Variants in NLRC5 observed in about 807,000 individuals in gnomAD.
The protein encoded by NLRC5 is NLR family CARD domain containing 5.
In NLRC5, 114 loss-of-function variants were observed where a neutral mutation model predicts 206.9. The observed-to-expected ratio is 0.55, with a 90% CI of 0.47 to 0.64. The LOEUF (loss-of-function observed/expected upper bound fraction) is 0.64. Ranked by LOEUF, NLRC5 falls within the 30% of genes least tolerant of loss-of-function variation. NLRC5 has a pLI of 0.00. For synonymous variants in NLRC5, 952 were observed against 962.8 expected (o/e 0.99, Z 0.21); for missense variants, 2,008 against 2,305.5 (o/e 0.87, Z 2.64).
At chr16:57,062,158 G>A (rs1198019112) in intron 32 of NLRC5, 3 of 779,026 alleles carry the variant, frequency 3.9e-6, no homozygotes, top group Middle Eastern at 5.4e-4. Flanking sequence ...TTTTATTTCA[G>A]CTGAAGCGGT....
Position 57,066,570 on chromosome 16 carries a change from G to A in NLRC5, c.4278G>A (p.Leu1426=). ...SETQQQLCVQ[L]EFPRQEENPE... is the part of the protein sequence containing the mutation. Reference sequence around the variant, plus strand: ...CCCAGCAGCAGCTCTGTGTCCAGCTGGAATTTCCTCGCCAGGAAGAGAATC... The same window carrying A: ...CCCAGCAGCAGCTCTGTGTCCAGCTAGAATTTCCTCGCCAGGAAGAGAATC... The change falls in exon 34 of 49, where the codon CTG becomes CTA. Residue 1426 remains leucine, a synonymous_variant. Transcript: ENST00000688547. 1 of 1,614,048 alleles carries A rather than the reference G, an allele frequency of 6.2e-7. No homozygotes were observed. Among genetic ancestry groups the A allele is most frequent in the Non-Finnish European group, 8.5e-7 (1 of 1,180,008 alleles).
intron 38 of NLRC5, among the ~76,000 whole-genome samples, chr16:57,072,794 C>T (rs1008770362): frequency 1.4e-4 from 21 of 152,142 alleles, no homozygotes; most frequent in African/African-American, 4.6e-4. Flanking sequence ...TTCTGTTGAA[C>T]GGTTTGTGAA....
At chr16:57,040,046 A>G (rs1198743640) in intron 16 of NLRC5, among the ~76,000 whole-genome samples, 197 bp downstream of exon 16, 1 of 152,194 alleles carries the variant, frequency 6.6e-6, no homozygotes, top group African/African-American at 2.4e-5. Context: ...TCCGCCTCTC[A>G]TGGTGCCTGA....
At chr16:57,034,319 G>A (rs1321379892) in intron 13 of NLRC5, 68 bp downstream of exon 13, 50 of 1,159,892 alleles carry the variant, frequency 4.3e-5, no homozygotes, top group Non-Finnish European at 5.3e-5. Flanking sequence ...GCAGGGCCTC[G>A]CCTTTGGGTG....
intron 32 of NLRC5, among the ~76,000 whole-genome samples, chr16:57,063,813 A>G (rs997841840): frequency 6.6e-6 from 1 of 151,892 alleles, no homozygotes; most frequent in Admixed American, 6.6e-5. Context: ...ATCTCGGCTC[A>G]CTGCAAGCTC....
At position 57,004,379 on chromosome 16, in the gene NLRC5, C is replaced by T. The variant is rs935341614; in HGVS notation, c.-127-12695C>T. 3.3e-5 allele frequency: 5 copies of T among 152,454 alleles called. No homozygotes were observed. In the East Asian group the frequency reaches 9.6e-4, roughly 29 times the overall value. The allele number at this position is 152,454 out of a possible 1,614,324, so 9.4% of individuals were successfully genotyped here. ...CTGGCCTCAAACGATCTTCCTGCCT[C>T]AGCCTCCAAAAGTGTTGGGATTACA... is the stretch of plus-strand genomic sequence containing the variant. On this transcript the variant is annotated intron_variant, in intron 1 of 48. Coordinates refer to ENST00000688547, the MANE Select transcript of NLRC5 (RefSeq NM_001384950.1).
In NLRC5 at chr16:57,039,766, C is replaced by CT; in HGVS notation, c.2802-11dup. 7 of 1,613,414 alleles carry CT rather than the reference C, an allele frequency of 4.3e-6. No homozygotes were observed. The highest frequency in any genetic ancestry group is 5.9e-6 in the Non-Finnish European group (7 of 1,179,404). On this transcript the variant is annotated splice_polypyrimidine_tract_variant and intron_variant, in intron 15 of 48. Coordinates refer to ENST00000688547, the MANE Select transcript of NLRC5 (RefSeq NM_001384950.1). ...AATAACCTCTCGCTTCCTCACCCCT[C>CT]TTTTGTCTTCACAGCCTGCAGCACA...
rs2065935917 is a variant in NLRC5 at position 57,058,156 on chromosome 16, G to A, written c.3830+8G>A. On this transcript the variant is annotated splice_region_variant and intron_variant, in intron 28 of 48. Transcript: ENST00000688547. The stretch of plus-strand genomic sequence containing the variant: ...CATCTCCGGTTTGCTTGAGTAAGTG[G>A]AAAGCAGCATAAAGGACAGATAGCA... 6.2e-7 allele frequency: 1 copy of A among 1,602,854 alleles called. No homozygotes were observed. The highest frequency in any genetic ancestry group is 2.2e-5 in the East Asian group (1 of 44,714).
chr16:57,036,609 C>T (rs1226129724), intron 14 of NLRC5, among the ~76,000 whole-genome samples: 2 of 149,256 alleles, frequency 1.3e-5, no homozygotes, highest in African/African-American at 5.0e-5. Context: ...GAAAGGTAGG[C>T]TATTAGGCTG....
chr16:57,076,960 G>A, intron 40 of NLRC5, 58 bp downstream of exon 40: 3 of 1,445,306 alleles, frequency 2.1e-6, no homozygotes, highest in Non-Finnish European at 1.9e-6. Flanking sequence ...AAGATGACAA[G>A]GGCAAGGGGC....
chr16:57,043,440 C>A, intron 19 of NLRC5, 75 bp from the exon 20 acceptor site: 1 of 1,142,348 alleles, frequency 8.8e-7, no homozygotes, highest in South Asian at 1.2e-5. Flanking sequence ...CCCTCCCCCG[C>A]CCTGTGCCCT....
chr16:56,995,045 G>T (rs536933474), intron 1 of NLRC5, among the ~76,000 whole-genome samples: 3 of 152,104 alleles, frequency 2.0e-5, no homozygotes, highest in Non-Finnish European at 2.9e-5. Flanking sequence ...GTGGTGGCAC[G>T]TGACTGTAAT....
intron 14 of NLRC5, 95 bp from the exon 15 acceptor site, chr16:57,037,100 C>A: frequency 9.8e-7 from 1 of 1,024,450 alleles, no homozygotes; most frequent in Non-Finnish European, 1.5e-6. Flanking sequence ...GGAGTGACAG[C>A]CAGCAAGCTG....
At chr16:57,006,334 T>C (rs1382627899) in intron 1 of NLRC5, among the ~76,000 whole-genome samples, 2 of 151,588 alleles carry the variant, frequency 1.3e-5, no homozygotes, top group Non-Finnish European at 2.9e-5. Flanking sequence ...CTACACCCTG[T>C]TTTGCCCCGG....
chr16:57,030,605 T>C (rs1401370549), intron 10 of NLRC5, among the ~76,000 whole-genome samples: 1 of 145,464 alleles, frequency 6.9e-6, no homozygotes, highest in African/African-American at 2.6e-5. Context: ...GATGGATAGG[T>C]GTGTGAAAAG....
At chr16:57,072,708 C>CG in intron 38 of NLRC5, among the ~76,000 whole-genome samples, 1 of 34,840 alleles carries the variant, frequency 2.9e-5, no homozygotes, top group South Asian at 1.1e-3. Flanking sequence ...TTCTGATGAC[C>CG]AAAAAAGTTC....
intron 43 of NLRC5, 69 bp downstream of exon 43, chr16:57,078,089 TCCA>T: frequency 7.6e-7 from 1 of 1,317,974 alleles, no homozygotes; most frequent in Non-Finnish European, 1.0e-6. Context: ...AGTGGGGGGG[TCCA>T]GGCCCCCATC....
intron 28 of NLRC5, chr16:57,058,450 A>G (rs2065972518): frequency 2.3e-6 from 1 of 429,074 alleles, no homozygotes; most frequent in East Asian, 4.5e-5. Flanking sequence ...TCCATCCCCA[A>G]CCAGCTGATG....
intron 1 of NLRC5, chr16:57,013,477 G>T: frequency 1.4e-6 from 1 of 721,024 alleles, no homozygotes; most frequent in Non-Finnish European, 2.6e-6. Context: ...AGAAATCTGA[G>T]TCATTGAGGT....
Sources: allele counts gnomAD v4.1 joint callset (sites outside exome capture counted in the v4.1 genomes callset), GRCh38; gene constraint gnomAD v4.1.1; transcripts MANE v1.5; gene names NCBI Gene and HGNC (gene_info 2026-07-23, HGNC 2026-07-21).